The following LGSN variants were observed in gnomAD, a reference collection of about 807,000 sequenced individuals.
LGSN encodes lengsin.
LGSN carries 21 observed loss-of-function variants against 19.5 expected under a neutral mutation model. That is an observed-to-expected ratio of 1.07 (90% CI 0.76 to 1.55). LGSN has a LOEUF of 1.55. Ranked by LOEUF, LGSN falls within the 40% of genes most tolerant of loss-of-function variation. LGSN has a pLI of 0.00. For missense variants in LGSN, 673 were observed against 608.5 expected (o/e 1.11, Z -1.12); for synonymous variants, 257 against 215.6 (o/e 1.19, Z -1.68).
the LGSN span, among the ~76,000 whole-genome samples, chr6:63,351,484 A>G: frequency 6.6e-6 from 1 of 151,888 alleles, no homozygotes; most frequent in African/African-American, 2.4e-5. Context: ...ACAGAGACAG[A>G]GTCTCACTCT....
the LGSN span, among the ~76,000 whole-genome samples, chr6:63,522,095 C>A: frequency 1.3e-5 from 2 of 152,208 alleles, no homozygotes; most frequent in East Asian, 1.9e-4. Flanking sequence ...TTGGTAGAAC[C>A]TTTTGTTAAT....
At chr6:63,336,557 G>GTATATATATA in the LGSN span, among the ~76,000 whole-genome samples, 6 of 136,100 alleles carry the variant, frequency 4.4e-5, no homozygotes, top group African/African-American at 1.4e-4. Context: ...GTGTGTGTGT[G>GTATATATATA]TGTGTATATA....
At chr6:63,333,329 C>A in the LGSN span, among the ~76,000 whole-genome samples, 1 of 151,470 alleles carries the variant, frequency 6.6e-6, no homozygotes, top group African/African-American at 2.4e-5. Flanking sequence ...TGCAGAAGAA[C>A]TAATAACAAG....
the LGSN span, among the ~76,000 whole-genome samples, chr6:63,471,436 TG>T: frequency 6.6e-6 from 1 of 151,714 alleles, no homozygotes; most frequent in Non-Finnish European, 1.5e-5. Flanking sequence ...GAGGCCGAGA[TG>T]GGTGGATCAC....
chr6:63,382,504 C>T, the LGSN span, among the ~76,000 whole-genome samples: 1 of 152,168 alleles, frequency 6.6e-6, no homozygotes, highest in Admixed American at 6.6e-5. Flanking sequence ...TCTCTGTTGA[C>T]CACACTATGT....
chr6:63,412,888 G>C, the LGSN span, among the ~76,000 whole-genome samples: 1 of 145,028 alleles, frequency 6.9e-6, no homozygotes, highest in Non-Finnish European at 1.5e-5. Flanking sequence ...AAGAAAGAGG[G>C]AGAGAAAGAG....
intron 1 of LGSN, among the ~76,000 whole-genome samples, chr6:63,299,143 T>C (rs1319169336): frequency 6.6e-6 from 1 of 152,144 alleles, no homozygotes; most frequent in African/African-American, 2.4e-5. Flanking sequence ...AGCTAAAAAA[T>C]AGTGGCTAAC....
the LGSN span, among the ~76,000 whole-genome samples, chr6:63,449,815 A>G: frequency 6.6e-6 from 1 of 152,204 alleles, no homozygotes; most frequent in Non-Finnish European, 1.5e-5. Flanking sequence ...GAACAATACT[A>G]AATAGAATAT....
chr6:63,453,589 C>CT, the LGSN span, among the ~76,000 whole-genome samples: 479 of 147,406 alleles, frequency 3.2e-3, 2 homozygotes, highest in Middle Eastern at 0.032. Flanking sequence ...AACCACCCTG[C>CT]TTTTTTTTTT....
At chr6:63,340,198 A>G in the LGSN span, among the ~76,000 whole-genome samples, 1 of 152,206 alleles carries the variant, frequency 6.6e-6, no homozygotes, top group African/African-American at 2.4e-5. Flanking sequence ...AGTCCTTAGA[A>G]TTCTTCTTTG....
At chr6:63,437,424 T>C in the LGSN span, among the ~76,000 whole-genome samples, 1 of 152,132 alleles carries the variant, frequency 6.6e-6, no homozygotes, top group Non-Finnish European at 1.5e-5. Context: ...GTTTTTTGTT[T>C]TGTTTTTGTT....
chr6:63,412,453 A>G, the LGSN span, among the ~76,000 whole-genome samples: 49 of 135,210 alleles, frequency 3.6e-4, no homozygotes, highest in African/African-American at 1.6e-3. Context: ...CAAGAAAGAA[A>G]GAAAGAAAGA....
At chr6:63,521,259 AAAG>A in the LGSN span, among the ~76,000 whole-genome samples, 1 of 152,248 alleles carries the variant, frequency 6.6e-6, no homozygotes, top group Non-Finnish European at 1.5e-5. Context: ...CTGAGCAAGA[AAAG>A]AAAAAAACGG....
chr6:63,414,991 A>G, the LGSN span, among the ~76,000 whole-genome samples: 1 of 152,304 alleles, frequency 6.6e-6, no homozygotes, highest in African/African-American at 2.4e-5. Flanking sequence ...AAAATAAAAT[A>G]TCCCCCTCAA....
At chr6:63,455,982 C>T in the LGSN span, among the ~76,000 whole-genome samples, 2 of 151,990 alleles carry the variant, frequency 1.3e-5, no homozygotes, top group Non-Finnish European at 2.9e-5. Context: ...GTAATCCCAG[C>T]ACTTTGGGAG....
chr6:63,309,374 G>A (rs967243761), intron 1 of LGSN, among the ~76,000 whole-genome samples: 6 of 152,172 alleles, frequency 3.9e-5, no homozygotes, highest in African/African-American at 1.4e-4. Context: ...AGAGGTTGCA[G>A]TGAGCCGAGA....
At chr6:63,554,351 C>A in the LGSN span, among the ~76,000 whole-genome samples, 132 of 152,208 alleles carry the variant, frequency 8.7e-4, 1 homozygote, top group Non-Finnish European at 1.4e-3. Context: ...CAGAACTTGA[C>A]CAGAAATTCT....
At chr6:63,413,512 C>A in the LGSN span, among the ~76,000 whole-genome samples, 6 of 152,136 alleles carry the variant, frequency 3.9e-5, no homozygotes, top group Non-Finnish European at 5.9e-5. Flanking sequence ...AGCATAAGCC[C>A]TGTTTTAACT....
chr6:63,554,469 T>A, the LGSN span, among the ~76,000 whole-genome samples: 4 of 152,170 alleles, frequency 2.6e-5, no homozygotes, highest in Non-Finnish European at 5.9e-5. Flanking sequence ...GTATCTCTTC[T>A]CAGCCTTCCC....
Sources: gnomAD v4.1 joint callset for allele counts (sites outside exome capture counted in the v4.1 genomes callset) on GRCh38, gnomAD v4.1.1 for gene constraint, MANE v1.5 for transcripts, NCBI Gene and HGNC (gene_info 2026-07-23, HGNC 2026-07-21) for gene names.